Variants in TENM1 observed in about 807,000 individuals in gnomAD.
TENM1 encodes the protein teneurin transmembrane protein 1.
Under a neutral mutation model 174.8 loss-of-function variants are expected in TENM1, and 35 were observed. The ratio of observed to expected loss-of-function variants is 0.20; its 90% CI spans 0.15 to 0.27. TENM1 has a LOEUF of 0.27. TENM1 is among the 10% of genes least tolerant of loss of function. TENM1 has a pLI of 1.00. For missense variants in TENM1, 1,633 were observed against 2,130.1 expected (o/e 0.77, Z 4.59); for synonymous variants, 781 against 798.7 (o/e 0.98, Z 0.37).
chrX:124,781,040 A>T (rs2054896316), intron 3 of TENM1, among the ~76,000 whole-genome samples: 1 of 111,776 alleles, frequency 8.9e-6, no homozygotes, highest in Non-Finnish European at 1.9e-5. Flanking sequence ...CCATTCTATC[A>T]TACCACTTGT....
intron 3 of TENM1, among the ~76,000 whole-genome samples, chrX:124,745,293 G>A (rs1470442517): frequency 9.0e-6 from 1 of 111,209 alleles, no homozygotes; most frequent in African/African-American, 3.3e-5. Flanking sequence ...ATAATTGGGA[G>A]CTAAACAAGT....
At chrX:124,737,121 G>A in exon 4 of TENM1, 1 of 1,210,690 alleles carries the variant, frequency 8.3e-7, no homozygotes, top group Non-Finnish European at 1.1e-6. Flanking sequence ...TCCTGGCACA[G>A]GTGCAGGCAT....
intron 27 of TENM1, among the ~76,000 whole-genome samples, chrX:124,396,593 C>T (rs777794901): frequency 1.6e-4 from 18 of 111,057 alleles, no homozygotes; most frequent in Non-Finnish European, 2.8e-4. Flanking sequence ...CATGAGCCAC[C>T]ACGCCAGGCC....
At chrX:125,114,868 G>A in the TENM1 span, among the ~76,000 whole-genome samples, 3 of 111,559 alleles carry the variant, frequency 2.7e-5, no homozygotes, top group African/African-American at 6.5e-5. Flanking sequence ...GAAAAACAGC[G>A]ACTTCTCCCT....
At chrX:124,648,214 T>C (rs1465342920) in intron 8 of TENM1, among the ~76,000 whole-genome samples, 2 of 112,075 alleles carry the variant, frequency 1.8e-5, no homozygotes, top group Non-Finnish European at 3.8e-5. Context: ...TAACCTTCCA[T>C]AGTTAGAGAA....
chrX:125,020,140 C>T, the TENM1 span, among the ~76,000 whole-genome samples: 1 of 111,214 alleles, frequency 9.0e-6, no homozygotes, highest in Non-Finnish European at 1.9e-5. Context: ...TAGTGCTCCT[C>T]ATCTCAGTCT....
intron 5 of TENM1, among the ~76,000 whole-genome samples, chrX:124,695,832 T>C (rs1397747206): frequency 9.0e-6 from 1 of 111,110 alleles, no homozygotes; most frequent in East Asian, 2.8e-4. Flanking sequence ...TAATGGGTTA[T>C]ACATTTAATA....
chrX:124,804,876 C>T (rs1424715669), intron 3 of TENM1, among the ~76,000 whole-genome samples: 2 of 111,199 alleles, frequency 1.8e-5, no homozygotes, highest in African/African-American at 6.5e-5. Context: ...AATGGATGTA[C>T]AAGTAGAAGA....
the TENM1 span, among the ~76,000 whole-genome samples, chrX:125,121,305 C>T: frequency 9.0e-6 from 1 of 111,307 alleles, no homozygotes; most frequent in Admixed American, 9.6e-5. Context: ...CATGTGGCAT[C>T]CACACGACAT....
At chrX:124,410,423 A>T (rs1342304058) in intron 25 of TENM1, among the ~76,000 whole-genome samples, 1 of 112,195 alleles carries the variant, frequency 8.9e-6, no homozygotes, top group Non-Finnish European at 1.9e-5. Context: ...AAACCCTAGA[A>T]GAAAACCTAG....
chrX:124,653,041 G>C (rs1253638142), intron 7 of TENM1, among the ~76,000 whole-genome samples: 2 of 111,160 alleles, frequency 1.8e-5, no homozygotes, highest in African/African-American at 6.5e-5. Context: ...GGGTTCATGT[G>C]GGGAAAAAAT....
intron 3 of TENM1, among the ~76,000 whole-genome samples, chrX:124,799,859 TTGTG>T (rs970270259): frequency 8.9e-6 from 1 of 111,947 alleles, no homozygotes; most frequent in Middle Eastern, 4.2e-3. Flanking sequence ...ATTGAGATGA[TTGTG>T]TGGTTTTTGT....
chrX:125,017,177 C>G, the TENM1 span, among the ~76,000 whole-genome samples: 590 of 111,921 alleles, frequency 5.3e-3, 4 homozygotes, highest in African/African-American at 0.017. Context: ...GGCTAAGACA[C>G]CAAAAGGAAT....
chrX:124,563,599 G>T, intron 13 of TENM1, 150 bp downstream of exon 16: 2 of 445,316 alleles, frequency 4.5e-6, no homozygotes, highest in Non-Finnish European at 7.6e-6. Flanking sequence ...GACTATTTTA[G>T]CATGAAACTG....
the TENM1 span, among the ~76,000 whole-genome samples, chrX:125,111,215 C>T: frequency 9.0e-6 from 1 of 111,685 alleles, no homozygotes; most frequent in African/African-American, 3.3e-5. Context: ...TGCACCTAAA[C>T]AATCAACATA....
intron 8 of TENM1, among the ~76,000 whole-genome samples, chrX:124,651,613 T>C (rs2079876130): frequency 8.9e-6 from 1 of 111,804 alleles, no homozygotes; most frequent in African/African-American, 3.2e-5. Context: ...ATTGTTCATC[T>C]ATGTAGCCTT....
chrX:124,791,769 A>G (rs2055185371), intron 3 of TENM1, among the ~76,000 whole-genome samples: 1 of 111,626 alleles, frequency 9.0e-6, no homozygotes, highest in Non-Finnish European at 1.9e-5. Flanking sequence ...CCATTATGGG[A>G]GCAATGGGAT....
At chrX:124,930,396 T>C (rs2058153350) in intron 1 of TENM1, among the ~76,000 whole-genome samples, 1 of 111,891 alleles carries the variant, frequency 8.9e-6, no homozygotes, top group African/African-American at 3.3e-5. Context: ...AGGACACTCA[T>C]GATGAAAGCC....
the TENM1 span, among the ~76,000 whole-genome samples, chrX:125,010,762 C>T: frequency 5.7e-5 from 6 of 105,166 alleles, no homozygotes; most frequent in East Asian, 1.2e-3. Context: ...TGCAGGGAGC[C>T]GAGATCGCGC....
Sources: allele counts gnomAD v4.1 joint callset (sites outside exome capture counted in the v4.1 genomes callset), GRCh38; gene constraint gnomAD v4.1.1; transcripts MANE v1.5; gene names NCBI Gene and HGNC (gene_info 2026-07-23, HGNC 2026-07-21).